Variants in LRBA observed in about 807,000 individuals in gnomAD.
LRBA encodes LPS responsive beige-like anchor protein, also known as lipopolysaccharide-responsive and beige-like anchor protein.
A neutral mutation model predicts 330.0 loss-of-function variants in LRBA; 176 were observed. The ratio of observed to expected loss-of-function variants is 0.53; its 90% confidence interval spans 0.47 to 0.60. LRBA has a LOEUF of 0.60. LRBA is among the 20% of genes least tolerant of loss of function. The pLI is 0.00. For missense variants in LRBA, 3,259 were observed against 3,444.8 expected, an observed-to-expected ratio of 0.95 and a Z score of 1.35; for synonymous variants, 1,230 against 1,193.0, an observed-to-expected ratio of 1.03 and a Z score of -0.64.
Position 150,695,839 on chromosome 4 carries a change from T to G in LRBA, c.5755-12122A>C, listed in dbSNP as rs1784571251. On this transcript the variant is annotated intron_variant, in intron 36 of 56. Coordinates refer to ENST00000651943, the MANE Select transcript of LRBA (RefSeq NM_001364905.1). Reference sequence around the variant, plus strand: ...TAACTCTACCTAACCAATGGATTTTTAAAAGCATAAAAAACTAGGGTCTTT... The same window carrying G: ...TAACTCTACCTAACCAATGGATTTTGAAAAGCATAAAAAACTAGGGTCTTT... Among the ~76,000 whole-genome samples, 3 of 152,228 alleles carry G rather than the reference T, an allele frequency of 2.0e-5. No homozygotes were observed. In the South Asian group the frequency reaches 6.2e-4, roughly 32 times the overall value.
intron 54 of LRBA, among the ~76,000 whole-genome samples, chr4:150,284,448 T>C (rs983122218): frequency 1.3e-4 from 20 of 152,244 alleles, no homozygotes; most frequent in Non-Finnish European, 2.5e-4. Context: ...ATGTATCAAA[T>C]GTTTTAAATT....
intron 37 of LRBA, among the ~76,000 whole-genome samples, chr4:150,666,899 A>G (rs1581984624): frequency 6.6e-6 from 1 of 152,176 alleles, no homozygotes; most frequent in Non-Finnish European, 1.5e-5. Flanking sequence ...TACATTTCCT[A>G]TTTCACATTT....
At position 150,590,721 on chromosome 4, in the gene LRBA, T is replaced by C. The variant is rs1033431224; in HGVS notation, c.6185A>G (p.Asn2062Ser). ...LSSVDEKDLE[N>S]LAGPVSLSTP... The stretch of plus-strand genomic sequence containing the variant: ...ACAACCACCAAATTTACCGGCAAGA[T>C]TCTCTAAATCTTTCTCATCCACGGA... The change falls in exon 39 of 57, where the codon AAT (asparagine) becomes AGT (serine). Residue 2062 changes from asparagine (N) to serine (S), a missense_variant. By Grantham distance (46) the Asn-to-Ser change is conservative (BLOSUM62 1). Coordinates refer to ENST00000651943, the MANE Select transcript of LRBA (RefSeq NM_001364905.1). The C allele has an allele frequency of 6.2e-7, 1 of 1,613,254 alleles. No individual in the cohort carries two copies.
chr4:150,716,753 T>C (rs1728252929), intron 36 of LRBA, among the ~76,000 whole-genome samples: 1 of 152,192 alleles, frequency 6.6e-6, no homozygotes, highest in Non-Finnish European at 1.5e-5. Context: ...TATGTAATTG[T>C]TAAAATGTTT....
intron 34 of LRBA, among the ~76,000 whole-genome samples, chr4:150,764,831 T>A (rs1222735241): frequency 6.6e-6 from 1 of 151,980 alleles, no homozygotes; most frequent in Non-Finnish European, 1.5e-5. Flanking sequence ...GAATGCAAAA[T>A]GATACAGTCT....
intron 17 of LRBA, among the ~76,000 whole-genome samples, 179 bp downstream of exon 17, chr4:150,892,873 C>T (rs1026738174): frequency 3.3e-5 from 5 of 152,022 alleles, no homozygotes; most frequent in Non-Finnish European, 7.4e-5. Context: ...GTAACACAGC[C>T]TCTATAATTA....
At chr4:150,505,046 A>C (rs1347111320) in intron 40 of LRBA, among the ~76,000 whole-genome samples, 2 of 152,180 alleles carry the variant, frequency 1.3e-5, no homozygotes, top group Non-Finnish European at 2.9e-5. Flanking sequence ...TATATATGCA[A>C]CCAATACAGG....
intron 20 of LRBA, among the ~76,000 whole-genome samples, chr4:150,868,868 G>A (rs955958598): frequency 2.0e-5 from 3 of 152,138 alleles, no homozygotes; most frequent in Non-Finnish European, 1.5e-5. Context: ...AACCCAGGAG[G>A]CAGAGGCTGC....
intron 13 of LRBA, among the ~76,000 whole-genome samples, chr4:150,902,665 C>T (rs1175818772): frequency 6.6e-6 from 1 of 152,222 alleles, no homozygotes; most frequent in Non-Finnish European, 1.5e-5. Flanking sequence ...CAGGCCTGCT[C>T]CCACAGTGTG....
chr4:150,665,864 AG>A (rs1255027334), intron 37 of LRBA, among the ~76,000 whole-genome samples: 2 of 152,230 alleles, frequency 1.3e-5, no homozygotes, highest in Admixed American at 1.3e-4. Context: ...GAACTATATG[AG>A]GCCAAAACCT....
chr4:150,845,690 C>A (rs1041323738), intron 26 of LRBA, among the ~76,000 whole-genome samples: 2 of 152,000 alleles, frequency 1.3e-5, no homozygotes, highest in Non-Finnish European at 2.9e-5. Flanking sequence ...AGAAAGTGTT[C>A]TGAAAGGTGC....
chr4:150,840,056 T>C (rs775873433), intron 28 of LRBA, among the ~76,000 whole-genome samples: 2 of 152,240 alleles, frequency 1.3e-5, no homozygotes, highest in Non-Finnish European at 2.9e-5. Context: ...AGCTTCACTT[T>C]TCTTCTGCAG....
intron 47 of LRBA, among the ~76,000 whole-genome samples, chr4:150,361,027 T>C (rs920721093): frequency 3.9e-5 from 6 of 152,214 alleles, no homozygotes; most frequent in African/African-American, 1.4e-4. Context: ...ACTTTAAGAA[T>C]TACCATATAG....
intron 47 of LRBA, among the ~76,000 whole-genome samples, chr4:150,415,032 G>T (rs964484474): frequency 1.3e-5 from 2 of 152,150 alleles, no homozygotes; most frequent in Admixed American, 1.3e-4. Context: ...TCCTTCAAAT[G>T]ATAGATACAG....
intron 40 of LRBA, among the ~76,000 whole-genome samples, chr4:150,505,719 A>T (rs540919648): frequency 6.6e-6 from 1 of 152,350 alleles, no homozygotes; most frequent in African/African-American, 2.4e-5. Context: ...AAGGCAAGAA[A>T]TAACTAAGAT....
At chr4:150,869,783 G>A (rs557924678) in intron 20 of LRBA, among the ~76,000 whole-genome samples, 1 of 152,102 alleles carries the variant, frequency 6.6e-6, no homozygotes, top group South Asian at 2.1e-4. Context: ...ACCAGGTGCA[G>A]TAGGCTCATG....
At chr4:150,729,113 G>A (rs1219745922) in intron 36 of LRBA, among the ~76,000 whole-genome samples, 4 of 152,110 alleles carry the variant, frequency 2.6e-5, no homozygotes, top group Non-Finnish European at 5.9e-5. Context: ...GAGCCCAGGA[G>A]TTCGAGACCA....
chr4:150,823,597 T>C (rs960471009), intron 30 of LRBA, among the ~76,000 whole-genome samples: 8 of 152,170 alleles, frequency 5.3e-5, no homozygotes, highest in African/African-American at 1.9e-4. Flanking sequence ...TAGTTTCAGG[T>C]CATAGATTTA....
At chr4:150,588,942 A>G (rs922324036) in intron 39 of LRBA, among the ~76,000 whole-genome samples, 5 of 152,140 alleles carry the variant, frequency 3.3e-5, no homozygotes, top group Non-Finnish European at 7.3e-5. Flanking sequence ...AAAACAATAG[A>G]TTCACTACAG....
Sources: allele counts gnomAD v4.1 joint callset (sites outside exome capture counted in the v4.1 genomes callset), GRCh38; gene constraint gnomAD v4.1.1; transcripts MANE v1.5; gene names NCBI Gene and HGNC (gene_info 2026-07-23, HGNC 2026-07-21).